NKAIN3: variants seen among roughly 807,000 people sequenced by gnomAD.
NKAIN3 encodes sodium/potassium transporting ATPase interacting 3.
Under a neutral mutation model 30.2 loss-of-function variants are expected in NKAIN3, and 25 were observed. The observed-to-expected ratio is 0.83, with a 90% confidence interval of 0.60 to 1.16. NKAIN3 has a LOEUF of 1.16. Among genes scored for constraint, NKAIN3 ranks in the 50% most tolerant of loss-of-function variants. NKAIN3 has a pLI of 0.00. For missense variants in NKAIN3, 225 were observed against 254.1 expected, an observed-to-expected ratio of 0.89 and a Z score of 0.78; for synonymous variants, 91 against 89.6, an observed-to-expected ratio of 1.02 and a Z score of -0.09.
chr8:62,853,541 T>G (rs924477534), intron 4 of NKAIN3, among the ~76,000 whole-genome samples: 1 of 152,180 alleles, frequency 6.6e-6, no homozygotes, highest in African/African-American at 2.4e-5. Context: ...GTCTGTGGGG[T>G]CAGTGGTAAT....
chr8:62,446,142 A>G (rs1425212833), intron 1 of NKAIN3, among the ~76,000 whole-genome samples: 2 of 152,154 alleles, frequency 1.3e-5, no homozygotes, highest in Non-Finnish European at 2.9e-5. Flanking sequence ...CCTGAAGCCA[A>G]ATAAGAAACT....
rs1421658725 is a variant in NKAIN3, at chr8:62,973,743, C to T, written c.*8336C>T. ...TTCAGTCATGAAGTCTTTGCCCATGCCTGTGTCCTGAATGGTATTGCTTAG... is the reference window on the plus strand; with the variant it reads ...TTCAGTCATGAAGTCTTTGCCCATGTCTGTGTCCTGAATGGTATTGCTTAG... On this transcript the variant is annotated 3_prime_UTR_variant, in exon 7 of 7. Coordinates refer to ENST00000623646, the MANE Select transcript of NKAIN3 (RefSeq NM_001304533.3). Among the ~76,000 whole-genome samples the T allele has an allele frequency of 6.6e-6, 1 of 152,128 alleles. No individual in the cohort carries two copies. The highest frequency in any genetic ancestry group is 1.5e-5 in the Non-Finnish European group (1 of 68,032).
intron 3 of NKAIN3, among the ~76,000 whole-genome samples, chr8:62,718,698 A>G (rs1369282532): frequency 6.6e-6 from 1 of 152,064 alleles, no homozygotes; most frequent in Admixed American, 6.5e-5. Context: ...GAGCAAATTT[A>G]TATCTATTTT....
chr8:62,596,218 C>T (rs71525496), intron 3 of NKAIN3, among the ~76,000 whole-genome samples: 14,341 of 151,966 alleles, frequency 0.094, 708 homozygotes, highest in Middle Eastern at 0.17. Context: ...ACTATGTCTT[C>T]GTGAGTTTCC....
chr8:62,828,873 C>T (rs139780187), intron 4 of NKAIN3, among the ~76,000 whole-genome samples: 1 of 152,268 alleles, frequency 6.6e-6, no homozygotes, highest in African/African-American at 2.4e-5. Context: ...CTAGGACCAA[C>T]TTGCCAGACA....
chr8:62,709,622 T>C (rs1814652338), intron 3 of NKAIN3, among the ~76,000 whole-genome samples: 1 of 152,152 alleles, frequency 6.6e-6, no homozygotes, highest in South Asian at 2.1e-4. Flanking sequence ...CTTTTCTTGG[T>C]TTATCTTGTT....
At chr8:62,485,440 G>C (rs1329335486) in intron 1 of NKAIN3, among the ~76,000 whole-genome samples, 1 of 152,062 alleles carries the variant, frequency 6.6e-6, no homozygotes, top group African/African-American at 2.4e-5. Flanking sequence ...CCATTTATTT[G>C]TTCCTTCAGT....
intron 3 of NKAIN3, among the ~76,000 whole-genome samples, chr8:62,700,714 T>G (rs554260764): frequency 6.6e-6 from 1 of 152,318 alleles, no homozygotes; most frequent in East Asian, 1.9e-4. Context: ...AAAAAGAAAT[T>G]TATCTTAGAA....
intron 3 of NKAIN3, among the ~76,000 whole-genome samples, chr8:62,722,280 C>T (rs897196851): frequency 2.0e-5 from 3 of 152,188 alleles, no homozygotes; most frequent in African/African-American, 7.2e-5. Context: ...TGAGATTAAT[C>T]TTTGCCAGTA....
At chr8:62,798,029 T>C (rs1817920961) in intron 4 of NKAIN3, among the ~76,000 whole-genome samples, 2 of 152,052 alleles carry the variant, frequency 1.3e-5, no homozygotes. Context: ...GAGGGTGGTG[T>C]TATTGTAGTC....
chr8:62,298,736 T>C (rs541892738), intron 1 of NKAIN3, among the ~76,000 whole-genome samples: 1 of 152,204 alleles, frequency 6.6e-6, no homozygotes, highest in East Asian at 1.9e-4. Context: ...CCTAAATCTG[T>C]TCCTCCAGCT....
In NKAIN3 at chr8:62,958,934, A is replaced by T. The variant is rs146468634; in HGVS notation, c.603+4962A>T. ...GATTATGTTAGAAATTTCCATGAGG[A>T]TGATGCCTATGACTGCAGTTAAGAA... On this transcript the variant is annotated intron_variant, in intron 6 of 6. Transcript: ENST00000623646. 2.0e-5 allele frequency among the ~76,000 whole-genome samples: 3 copies of T among 152,344 alleles called. No homozygotes were observed. In the East Asian group the frequency reaches 5.8e-4, roughly 29 times the overall value.
intron 3 of NKAIN3, among the ~76,000 whole-genome samples, chr8:62,594,915 A>G (rs1209645204): frequency 6.6e-6 from 1 of 151,598 alleles, no homozygotes; most frequent in Non-Finnish European, 1.5e-5. Flanking sequence ...TTCTCATAAT[A>G]AAAAATATAT....
At chr8:62,590,957 T>C (rs1027817241) in intron 3 of NKAIN3, among the ~76,000 whole-genome samples, 10 of 151,992 alleles carry the variant, frequency 6.6e-5, no homozygotes, top group African/African-American at 2.4e-4. Flanking sequence ...CTAGCGATTG[T>C]AGTTCACCAC....
chr8:62,785,089 A>T (rs180854343), intron 4 of NKAIN3, among the ~76,000 whole-genome samples: 34 of 152,322 alleles, frequency 2.2e-4, no homozygotes, highest in African/African-American at 7.5e-4. Flanking sequence ...TTCTGTGTAA[A>T]CCAGCAATTT....
chr8:62,626,358 T>G (rs1440107125), intron 3 of NKAIN3, among the ~76,000 whole-genome samples: 1 of 152,098 alleles, frequency 6.6e-6, no homozygotes, highest in South Asian at 2.1e-4. Context: ...GGAGGCTGAA[T>G]TCAGATCAGT....
chr8:62,476,356 A>G (rs1344575465), intron 1 of NKAIN3, among the ~76,000 whole-genome samples: 1 of 151,934 alleles, frequency 6.6e-6, no homozygotes, highest in Non-Finnish European at 1.5e-5. Flanking sequence ...GACTATTGCC[A>G]TGTTTTGTTT....
At chr8:62,333,587 A>G (rs12681357) in intron 1 of NKAIN3, among the ~76,000 whole-genome samples, 85,761 of 151,806 alleles carry the variant, frequency 0.56, 24,802 homozygotes, top group Non-Finnish European at 0.63. Flanking sequence ...CTTTAGAGGG[A>G]GACTTACTAA....
rs986361014 is a variant in NKAIN3 at position 62,984,616 on chromosome 8, A to T, written c.*19209A>T. 1 of 152,240 alleles carries T rather than the reference A, an allele frequency of 6.6e-6. No homozygotes were observed. Among genetic ancestry groups the T allele is most frequent in the Non-Finnish European group, 1.5e-5 (1 of 68,050 alleles). The allele number at this position is 152,240 out of a possible 1,614,324, so 9.4% of individuals were successfully genotyped here. ...GAATTAATTGAAAAAGTCAAAGCCT[A>T]TCAGGAGCTATCTTATATGATGTTG... is the stretch of plus-strand genomic sequence containing the variant. On this transcript the variant is annotated 3_prime_UTR_variant, in exon 7 of 7. Coordinates refer to ENST00000623646, the MANE Select transcript of NKAIN3 (RefSeq NM_001304533.3).
Sources: allele counts gnomAD v4.1 joint callset (sites outside exome capture counted in the v4.1 genomes callset), GRCh38; gene constraint gnomAD v4.1.1; transcripts MANE v1.5; gene names NCBI Gene and HGNC (gene_info 2026-07-23, HGNC 2026-07-21).